Variants in LGSN observed in about 807,000 individuals in gnomAD.
LGSN encodes lengsin.
A neutral mutation model predicts 19.5 loss-of-function variants in LGSN; 21 were observed. The ratio of observed to expected loss-of-function variants is 1.07; its 90% CI spans 0.76 to 1.55. The LOEUF is 1.55. Ranked by LOEUF, LGSN falls within the 40% of genes most tolerant of loss-of-function variation. The pLI is 0.00. For synonymous variants in LGSN, 257 were observed against 215.6 expected (o/e 1.19, Z -1.68); for missense variants, 673 against 608.5 (o/e 1.11, Z -1.12).
At chr6:63,311,841 T>C (rs1236946780) in intron 1 of LGSN, among the ~76,000 whole-genome samples, 1 of 152,202 alleles carries the variant, frequency 6.6e-6, no homozygotes, top group Non-Finnish European at 1.5e-5. Flanking sequence ...CTCTTGAAAC[T>C]ACTCTTCTTT....
the LGSN span, among the ~76,000 whole-genome samples, chr6:63,496,852 G>A: frequency 2.6e-5 from 4 of 151,996 alleles, no homozygotes; most frequent in African/African-American, 9.7e-5. Context: ...ACCCAGCCAG[G>A]AAGTGGTTGT....
At chr6:63,424,832 A>G in the LGSN span, among the ~76,000 whole-genome samples, 1 of 152,092 alleles carries the variant, frequency 6.6e-6, no homozygotes, top group African/African-American at 2.4e-5. Context: ...GGATCTCTTG[A>G]GTGCAGGAGT....
chr6:63,473,678 G>C, the LGSN span, among the ~76,000 whole-genome samples: 1 of 150,202 alleles, frequency 6.7e-6, no homozygotes, highest in East Asian at 1.9e-4. Flanking sequence ...ATCCTTGGCA[G>C]ATATACTTGA....
the LGSN span, among the ~76,000 whole-genome samples, chr6:63,355,773 G>A: frequency 6.6e-6 from 1 of 152,298 alleles, no homozygotes; most frequent in East Asian, 1.9e-4. Context: ...CTGCCTCCCA[G>A]GTACAAGCAA....
chr6:63,348,403 G>A, the LGSN span, among the ~76,000 whole-genome samples: 14 of 151,338 alleles, frequency 9.3e-5, no homozygotes, highest in Admixed American at 3.9e-4. Flanking sequence ...TCAGTGAGCC[G>A]AGATCACACC....
chr6:63,435,050 A>G, the LGSN span, among the ~76,000 whole-genome samples: 6 of 152,216 alleles, frequency 3.9e-5, no homozygotes, highest in African/African-American at 1.4e-4. Context: ...TATCAGCAGC[A>G]ATAACAAAAT....
At chr6:63,479,673 G>C in the LGSN span, among the ~76,000 whole-genome samples, 1 of 152,158 alleles carries the variant, frequency 6.6e-6, no homozygotes, top group African/African-American at 2.4e-5. Context: ...CCGGGAGATG[G>C]AGATTGCAGT....
chr6:63,489,430 A>G, the LGSN span, among the ~76,000 whole-genome samples: 1 of 152,216 alleles, frequency 6.6e-6, no homozygotes, highest in Non-Finnish European at 1.5e-5. Flanking sequence ...GTGCAGTGGC[A>G]CAATCTCAGC....
chr6:63,394,615 C>A, the LGSN span, among the ~76,000 whole-genome samples: 1 of 152,242 alleles, frequency 6.6e-6, no homozygotes, highest in Non-Finnish European at 1.5e-5. Context: ...GGCTGCTCTG[C>A]CTTTGGCGTA....
At chr6:63,288,496 A>G (rs1767636051) in intron 2 of LGSN, among the ~76,000 whole-genome samples, 1 of 151,816 alleles carries the variant, frequency 6.6e-6, no homozygotes, top group Non-Finnish European at 1.5e-5. Context: ...CTGAAGTATT[A>G]ATTGTATGAA....
At chr6:63,486,164 A>G in the LGSN span, among the ~76,000 whole-genome samples, 1 of 152,234 alleles carries the variant, frequency 6.6e-6, no homozygotes, top group African/African-American at 2.4e-5. Flanking sequence ...TGTACTTAAG[A>G]CATTTATGAG....
the LGSN span, among the ~76,000 whole-genome samples, chr6:63,538,922 T>G: frequency 6.6e-6 from 1 of 152,214 alleles, no homozygotes; most frequent in Non-Finnish European, 1.5e-5. Flanking sequence ...AGATGGAGTC[T>G]CACTCTGTCA....
rs532526522 is a variant in LGSN, at chr6:63,283,459, T to C, written c.330+2128A>G. Reference sequence around the variant, plus strand: ...CTGTAGCAATATATCATAATTTGGCTAGATCAGATACAGAAAAAGCCTACA... The same window carrying C: ...CTGTAGCAATATATCATAATTTGGCCAGATCAGATACAGAAAAAGCCTACA... On this transcript the variant is annotated intron_variant, in intron 3 of 3. Coordinates refer to ENST00000370657, the MANE Select transcript of LGSN (RefSeq NM_016571.3). 9.2e-5 allele frequency among the ~76,000 whole-genome samples: 14 copies of C among 152,106 alleles called. No homozygotes were observed. The East Asian group carries it at 2.7e-3, about 29-fold the overall frequency.
the LGSN span, among the ~76,000 whole-genome samples, chr6:63,405,615 T>C: frequency 6.6e-6 from 1 of 152,310 alleles, no homozygotes; most frequent in Non-Finnish European, 1.5e-5. Context: ...TTTTGAGAAG[T>C]GTCTGTTCAT....
chr6:63,495,903 T>G, the LGSN span, among the ~76,000 whole-genome samples: 9 of 152,122 alleles, frequency 5.9e-5, no homozygotes, highest in Non-Finnish European at 1.0e-4. Flanking sequence ...TGTAATGTCT[T>G]AGACTCCTCT....
chr6:63,386,790 C>A, the LGSN span, among the ~76,000 whole-genome samples: 20 of 152,012 alleles, frequency 1.3e-4, no homozygotes, highest in Non-Finnish European at 2.6e-4. Context: ...TAGTAGCATT[C>A]TTTGAAGAGG....
chr6:63,296,623 A>G (rs1457360498), intron 1 of LGSN, among the ~76,000 whole-genome samples: 1 of 152,150 alleles, frequency 6.6e-6, no homozygotes, highest in Non-Finnish European at 1.5e-5. Flanking sequence ...TTGCTCATAT[A>G]TAATATTTTC....
the LGSN span, among the ~76,000 whole-genome samples, chr6:63,551,201 G>A: frequency 6.6e-6 from 1 of 151,944 alleles, no homozygotes; most frequent in South Asian, 2.1e-4. Flanking sequence ...AAATAGCTGG[G>A]ACTACAGGGG....
At chr6:63,552,199 C>A in the LGSN span, among the ~76,000 whole-genome samples, 2 of 152,162 alleles carry the variant, frequency 1.3e-5, no homozygotes, top group East Asian at 1.9e-4. Flanking sequence ...TCCTCTCCAG[C>A]ACCTGTTATT....
Sources: gnomAD v4.1 joint callset for allele counts (sites outside exome capture counted in the v4.1 genomes callset) on GRCh38, gnomAD v4.1.1 for gene constraint, MANE v1.5 for transcripts, NCBI Gene and HGNC (gene_info 2026-07-23, HGNC 2026-07-21) for gene names.